The following SUPT3H variants were observed in gnomAD, a reference collection of about 807,000 sequenced individuals.
The protein encoded by SUPT3H is transcription initiation protein SPT3 homolog.
Under a neutral mutation model 44.3 loss-of-function variants are expected in SUPT3H, and 44 were observed. The ratio of observed to expected loss-of-function variants is 0.99; its 90% confidence interval spans 0.78 to 1.28. The LOEUF is 1.28. Among genes scored for constraint, SUPT3H ranks in the 50% most tolerant of loss-of-function variants. The probability of loss-of-function intolerance (pLI) is 0.00; values close to 1 mark genes in which losing one functional copy is unlikely to be tolerated. For missense variants in SUPT3H, 380 were observed against 387.1 expected (o/e 0.98, Z 0.15); for synonymous variants, 124 against 125.6 (o/e 0.99, Z 0.09).
chr6:45,377,011 G>A (rs1198260496), intron 1 of SUPT3H, among the ~76,000 whole-genome samples: 2 of 152,042 alleles, frequency 1.3e-5, no homozygotes, highest in African/African-American at 4.8e-5. Flanking sequence ...GTCCAGGATC[G>A]TCTGAGTGTC....
intron 3 of SUPT3H, among the ~76,000 whole-genome samples, chr6:45,036,845 G>T (rs1486384844): frequency 2.0e-5 from 3 of 152,104 alleles, no homozygotes; most frequent in African/African-American, 7.2e-5. Flanking sequence ...TGCCTAAGAA[G>T]TAAGATAGGA....
At chr6:45,286,747 T>C (rs868597699) in intron 2 of SUPT3H, among the ~76,000 whole-genome samples, 2 of 152,216 alleles carry the variant, frequency 1.3e-5, no homozygotes, top group Non-Finnish European at 2.9e-5. Flanking sequence ...ACTGGGTATA[T>C]ACCCAAAGGA....
intron 10 of SUPT3H, among the ~76,000 whole-genome samples, chr6:44,910,209 T>G (rs1263753825): frequency 6.6e-6 from 1 of 152,092 alleles, no homozygotes; most frequent in Non-Finnish European, 1.5e-5. Flanking sequence ...CCTTGGACCT[T>G]CAGGCTGGCA....
chr6:45,168,990 T>G (rs1254173992), intron 2 of SUPT3H, among the ~76,000 whole-genome samples: 1 of 152,214 alleles, frequency 6.6e-6, no homozygotes, highest in African/African-American at 2.4e-5. Flanking sequence ...GTGGCACTGT[T>G]GAACTTTGAA....
At chr6:45,167,024 C>T (rs948233788) in intron 2 of SUPT3H, among the ~76,000 whole-genome samples, 3 of 152,252 alleles carry the variant, frequency 2.0e-5, no homozygotes, top group South Asian at 2.1e-4. Flanking sequence ...CACTCTTATA[C>T]ATATACACCC....
intron 2 of SUPT3H, among the ~76,000 whole-genome samples, chr6:45,242,731 A>G (rs184122704): frequency 2.0e-5 from 3 of 152,358 alleles, no homozygotes; most frequent in East Asian, 3.9e-4. Flanking sequence ...TTGAAGGAAG[A>G]TAACAAAATC....
rs1439314064 is a variant in SUPT3H, at chr6:44,953,353, T to C, written c.758A>G (p.His253Arg). The change falls in exon 9 of 11, where the codon CAT (histidine) becomes CGT (arginine). Residue 253 changes from histidine to arginine, a missense_variant. By Grantham distance (29) the His-to-Arg change is conservative. Transcript: ENST00000371459. ...MVTKAGDPFS[H>R]AISATFIQYH... ...CTGAATGAAGGTTGCAGAAATGGCATGGCTGAAGGGGTCCCCTGCCTTGGT... is the reference window on the plus strand; with the variant it reads ...CTGAATGAAGGTTGCAGAAATGGCACGGCTGAAGGGGTCCCCTGCCTTGGT... The C allele has an allele frequency of 1.2e-6, 2 of 1,614,158 alleles. No individual in the cohort carries two copies. Among genetic ancestry groups the C allele is most frequent in the Non-Finnish European group, 8.5e-7 (1 of 1,180,006 alleles).
At chr6:45,353,378 A>G (rs1193023943) in intron 2 of SUPT3H, among the ~76,000 whole-genome samples, 1 of 152,106 alleles carries the variant, frequency 6.6e-6, no homozygotes, top group Non-Finnish European at 1.5e-5. Context: ...GACTTGAACT[A>G]TAATACTAAC....
chr6:45,374,024 AAAGT>A (rs1255301327), intron 1 of SUPT3H, among the ~76,000 whole-genome samples: 5 of 152,242 alleles, frequency 3.3e-5, no homozygotes, highest in Non-Finnish European at 7.3e-5. Flanking sequence ...AAATGTTTGT[AAAGT>A]AAGACGATAA....
chr6:45,124,470 C>G (rs1173672702), intron 2 of SUPT3H, among the ~76,000 whole-genome samples: 1 of 150,460 alleles, frequency 6.6e-6, no homozygotes, highest in Non-Finnish European at 1.5e-5. Context: ...ATGGTGAAAC[C>G]CCCCCCTCTA....
chr6:45,168,952 A>C (rs904964988), intron 2 of SUPT3H, among the ~76,000 whole-genome samples: 10 of 152,236 alleles, frequency 6.6e-5, no homozygotes, highest in African/African-American at 2.2e-4. Context: ...CTGGTGCTGA[A>C]GAAACACAAC....
chr6:45,062,082 A>G (rs901267099), intron 3 of SUPT3H, among the ~76,000 whole-genome samples: 1 of 151,894 alleles, frequency 6.6e-6, no homozygotes, highest in Non-Finnish European at 1.5e-5. Context: ...AAGTAAACAA[A>G]TTTTTATATG....
intron 2 of SUPT3H, among the ~76,000 whole-genome samples, chr6:45,161,264 T>G (rs1219096591): frequency 6.6e-6 from 1 of 152,142 alleles, no homozygotes; most frequent in Non-Finnish European, 1.5e-5. Context: ...ACTAACACAG[T>G]AATGTTTATC....
At chr6:45,242,468 A>T (rs1243578545) in intron 2 of SUPT3H, among the ~76,000 whole-genome samples, 1 of 152,218 alleles carries the variant, frequency 6.6e-6, no homozygotes, top group Non-Finnish European at 1.5e-5. Flanking sequence ...ACCATAGGGG[A>T]GCTTGAAGAT....
At chr6:45,133,387 G>T (rs1803783713) in intron 2 of SUPT3H, among the ~76,000 whole-genome samples, 1 of 152,252 alleles carries the variant, frequency 6.6e-6, no homozygotes, top group South Asian at 2.1e-4. Context: ...GGAGAGAATA[G>T]CCAAGCAAAA....
At chr6:44,869,890 G>T (rs1304496509) in intron 10 of SUPT3H, among the ~76,000 whole-genome samples, 2 of 152,178 alleles carry the variant, frequency 1.3e-5, no homozygotes, top group African/African-American at 2.4e-5. Flanking sequence ...AGATAAGAAA[G>T]AATTTCTAGG....
At chr6:45,153,985 G>A (rs192017758) in intron 2 of SUPT3H, among the ~76,000 whole-genome samples, 29 of 151,068 alleles carry the variant, frequency 1.9e-4, no homozygotes, top group African/African-American at 6.3e-4. Context: ...CAGGAGAATC[G>A]CTTGAACCCG....
At chr6:45,283,593 T>A (rs1023903445) in intron 2 of SUPT3H, among the ~76,000 whole-genome samples, 1 of 151,974 alleles carries the variant, frequency 6.6e-6, no homozygotes, top group Non-Finnish European at 1.5e-5. Context: ...AAGCAAGTCC[T>A]CAGAGACCTA....
At position 45,128,579 on chromosome 6, in the gene SUPT3H, CACACAT is replaced by C. The variant is rs1241893425; in HGVS notation, c.102-22579_102-22574del. 1.1e-3 allele frequency among the ~76,000 whole-genome samples: 130 copies of C among 120,244 alleles called. 1 individual carries two copies. Among genetic ancestry groups the C allele is most frequent in the African/African-American group, 4.2e-3 (124 of 29,562 alleles). The allele number at this position is 120,244 out of a possible 152,430, so 78.9% of individuals were successfully genotyped here. A position where few individuals can be genotyped will look rare whatever the true frequency, so the allele number is the denominator to read the frequency against. On this transcript the variant is annotated intron_variant, in intron 2 of 10. Coordinates refer to ENST00000371459, the MANE Select transcript of SUPT3H (RefSeq NM_003599.4). The stretch of plus-strand genomic sequence containing the variant: ...ATATACACACACACACACACACACA[CACACAT>C]ACACATATATATATATACACACATA...
Sources: gnomAD v4.1 joint callset for allele counts (sites outside exome capture counted in the v4.1 genomes callset) on GRCh38, gnomAD v4.1.1 for gene constraint, MANE v1.5 for transcripts, NCBI Gene and HGNC (gene_info 2026-07-23, HGNC 2026-07-21) for gene names.